MYO9A: variants seen among roughly 807,000 people sequenced by gnomAD.
MYO9A encodes myosin IXA.
Under a neutral mutation model 293.3 loss-of-function variants are expected in MYO9A, and 103 were observed. That is an observed-to-expected ratio of 0.35 (90% CI 0.30 to 0.41). MYO9A has a LOEUF of 0.41. MYO9A is among the 10% of genes least tolerant of loss of function. The pLI, the probability that MYO9A is intolerant of heterozygous loss-of-function variation, is 1.00. For synonymous variants in MYO9A, 1,001 were observed against 1,035.7 expected, an observed-to-expected ratio of 0.97 and a Z score of 0.64; for missense variants, 2,685 against 3,033.0, an observed-to-expected ratio of 0.89 and a Z score of 2.69.
intron 6 of MYO9A, among the ~76,000 whole-genome samples, chr15:72,014,116 T>C (rs879492402): frequency 6.6e-6 from 1 of 152,188 alleles, no homozygotes; most frequent in African/African-American, 2.4e-5. Context: ...CATATTATAT[T>C]TGATCCTTAT....
chr15:71,991,857 G>A (rs1157743399), intron 10 of MYO9A, among the ~76,000 whole-genome samples: 1 of 152,148 alleles, frequency 6.6e-6, no homozygotes. Flanking sequence ...GGGTTCATGC[G>A]ATTCTCTTGC....
chr15:71,867,798 TCACACA>T (rs57300333), intron 32 of MYO9A, among the ~76,000 whole-genome samples: 52,666 of 127,158 alleles, frequency 0.41, 12,453 homozygotes, highest in Non-Finnish European at 0.53. Context: ...TGGGAATCCA[TCACACA>T]CACACACACA....
At chr15:72,012,661 C>G (rs1354625719) in intron 6 of MYO9A, among the ~76,000 whole-genome samples, 1 of 152,138 alleles carries the variant, frequency 6.6e-6, no homozygotes. Flanking sequence ...GTAAAAAGCT[C>G]TCTTGCTACT....
intron 27 of MYO9A, among the ~76,000 whole-genome samples, chr15:71,885,684 T>C (rs752903300): frequency 1.8e-4 from 27 of 152,150 alleles, no homozygotes; most frequent in Non-Finnish European, 3.8e-4. Context: ...TCATCCACTA[T>C]GTTGGGCACT....
At chr15:71,929,158 T>C (rs919926278) in intron 18 of MYO9A, among the ~76,000 whole-genome samples, 1 of 152,174 alleles carries the variant, frequency 6.6e-6, no homozygotes, top group African/African-American at 2.4e-5. Flanking sequence ...CATTACGGAA[T>C]TTATATATCA....
intron 8 of MYO9A, among the ~76,000 whole-genome samples, chr15:72,006,274 G>T (rs550001015): frequency 4.3e-4 from 65 of 151,834 alleles, no homozygotes; most frequent in Non-Finnish European, 2.1e-4. Flanking sequence ...TGTTGTTGTT[G>T]TTTTTAGTAG....
intron 1 of MYO9A, among the ~76,000 whole-genome samples, chr15:72,080,307 CTTTTT>C (rs374292426): frequency 6.3e-5 from 8 of 127,370 alleles, no homozygotes; most frequent in African/African-American, 2.0e-4. Context: ...CCATGCTTCT[CTTTTT>C]TTTTTTTTTT....
Position 71,936,937 on chromosome 15 carries a change from GA to G in MYO9A, c.2379-1454del, listed in dbSNP as rs918074881. On this transcript the variant is annotated intron_variant, in intron 16 of 41. Coordinates refer to ENST00000356056, the MANE Select transcript of MYO9A (RefSeq NM_006901.4). ...AAAAATGAGTGGTACTCTGGCTTTAGAAAAAAAAAAAAGAAAACAAAAGGAG... is the reference window on the plus strand; with the variant it reads ...AAAAATGAGTGGTACTCTGGCTTTAGAAAAAAAAAAAGAAAACAAAAGGAG... Among the ~76,000 whole-genome samples the G allele has an allele frequency of 9.6e-3, 988 of 102,830 alleles. 12 individuals carry two copies. Among genetic ancestry groups the G allele is most frequent in the African/African-American group, 0.03 (852 of 28,218 alleles). 67.5% of individuals were successfully genotyped at this position (102,830 alleles called of 152,430 possible).
chr15:71,951,896 C>T lies in MYO9A; in HGVS notation c.2183G>A (p.Gly728Glu), dbSNP rs779858917. Residue 728 changes from glycine to glutamate, a missense_variant and splice_region_variant, in exon 15 of 42, where the codon GGA becomes GAA. Gly to Glu is a moderately conservative substitution (Grantham distance 98). Around this residue, in one of 10 missense-constraint regions of MYO9A, gnomAD observed 1,434 missense variants for 1,497.7 expected, o/e 0.96. Transcript: ENST00000356056. ...AGKRNIHRKT[G>E]HDDTAPCAIL... ...TGCACATGGCGCTGTATCATCATGT[C>T]CTTAGGAAGCAAAAAAAAACAAACA... 6.4e-7 allele frequency: 1 copy of T among 1,567,418 alleles called. No homozygotes were observed. Among genetic ancestry groups the T allele is most frequent in the Non-Finnish European group, 8.6e-7 (1 of 1,165,644 alleles).
intron 1 of MYO9A, among the ~76,000 whole-genome samples, chr15:72,059,796 G>A (rs1281740948): frequency 6.6e-6 from 1 of 152,132 alleles, no homozygotes; most frequent in East Asian, 1.9e-4. Context: ...TTCAGAATGA[G>A]GGAGAAACAT....
At chr15:72,048,796 T>C (rs1163261202) in intron 1 of MYO9A, among the ~76,000 whole-genome samples, 1 of 152,222 alleles carries the variant, frequency 6.6e-6, no homozygotes, top group Non-Finnish European at 1.5e-5. Flanking sequence ...CTTTACAGAT[T>C]AATATTGGAC....
In MYO9A at chr15:71,859,815, A is replaced by G. The variant is rs2056038087; in HGVS notation, c.6092-19T>C. 6.2e-7 allele frequency: 1 copy of G among 1,607,556 alleles called. No homozygotes were observed. The highest frequency in any genetic ancestry group is 8.5e-7 in the Non-Finnish European group (1 of 1,174,874). ...TTGCATACTGAAAAATAGGTGAGGA[A>G]TGCAACATTTTTAGAAGTCTGTACA... is the stretch of plus-strand genomic sequence containing the variant. On this transcript the variant is annotated intron_variant, in intron 33 of 41. Coordinates refer to ENST00000356056, the MANE Select transcript of MYO9A (RefSeq NM_006901.4).
intron 4 of MYO9A, 89 bp downstream of exon 4, chr15:72,027,642 T>TTAAG (rs1343865338): frequency 6.0e-5 from 60 of 1,002,358 alleles, no homozygotes; most frequent in Non-Finnish European, 8.1e-5. Flanking sequence ...GTAAACTGAA[T>TTAAG]TAAGGGTCAT....
At chr15:72,068,623 G>A (rs1339095656) in intron 1 of MYO9A, among the ~76,000 whole-genome samples, 1 of 151,838 alleles carries the variant, frequency 6.6e-6, no homozygotes, top group African/African-American at 2.4e-5. Flanking sequence ...CAGCCATCAT[G>A]CCTGGTTAAT....
At chr15:71,977,851 C>T (rs1393157725) in intron 12 of MYO9A, among the ~76,000 whole-genome samples, 1 of 152,104 alleles carries the variant, frequency 6.6e-6, no homozygotes, top group Non-Finnish European at 1.5e-5. Flanking sequence ...TCCTGGCTAA[C>T]ACGGTGAAAC....
Position 71,978,247 on chromosome 15 carries a change from T to G in MYO9A, c.1768A>C (p.Ile590Leu), listed in dbSNP as rs141870097. The G allele has an allele frequency of 6.2e-7, 1 of 1,612,716 alleles. No individual in the cohort carries two copies. The highest frequency in any genetic ancestry group is 1.1e-5 in the South Asian group (1 of 90,746). ...EGISWHNIDY[I>L]DNTCCINLIS... ...AGATTTATGCAGCAGGTATTATCAA[T>G]GTAATCTATGTTGTGCCAGCTGATA... is the stretch of plus-strand genomic sequence containing the variant. The change falls in exon 12 of 42, where the codon ATT becomes CTT. Residue 590 changes from isoleucine (I) to leucine (L), a missense_variant. By Grantham distance (5) the Ile-to-Leu change is conservative. Around this residue, in one of 10 missense-constraint regions of MYO9A, gnomAD observed 201 missense variants for 245.2 expected, o/e 0.82. Transcript: ENST00000356056.
At chr15:72,031,644 T>TA (rs1464424070) in intron 3 of MYO9A, among the ~76,000 whole-genome samples, 1 of 151,818 alleles carries the variant, frequency 6.6e-6, no homozygotes. Context: ...AGGGTGGTGG[T>TA]AGGGGGAGTT....
intron 1 of MYO9A, among the ~76,000 whole-genome samples, chr15:72,115,861 C>T (rs535415345): frequency 6.6e-6 from 1 of 151,984 alleles, no homozygotes; most frequent in Non-Finnish European, 1.5e-5. Flanking sequence ...TAACATCAGA[C>T]ACATTTAAAA....
chr15:72,094,045 T>TA (rs1448094506), intron 1 of MYO9A, among the ~76,000 whole-genome samples: 1 of 88,816 alleles, frequency 1.1e-5, no homozygotes, highest in Non-Finnish European at 3.4e-5. Context: ...AAAAAAAGGT[T>TA]AAAAAAACAT....
Sources: gnomAD v4.1 joint callset for allele counts (sites outside exome capture counted in the v4.1 genomes callset) on GRCh38, gnomAD v4.1.1 for gene constraint, gnomAD v4.1.1 regional missense constraint, MANE v1.5 for transcripts, NCBI Gene and HGNC (gene_info 2026-07-23, HGNC 2026-07-21) for gene names.